Variants in NAPB observed in about 807,000 individuals in gnomAD.
NAPB encodes the protein beta-soluble NSF attachment protein.
A neutral mutation model predicts 44.7 loss-of-function variants in NAPB; 26 were observed. That is an observed-to-expected ratio of 0.58 (90% confidence interval 0.43 to 0.81). NAPB has a LOEUF of 0.81. Among genes scored for constraint, NAPB ranks in the 30% least tolerant of loss-of-function variants. The probability of loss-of-function intolerance (pLI) is 0.00; values close to 1 mark genes in which losing one functional copy is unlikely to be tolerated. For missense variants in NAPB, 315 were observed against 356.4 expected (o/e 0.88, Z 0.94); for synonymous variants, 120 against 116.8 (o/e 1.03, Z -0.18).
chr20:23,406,206 T>A (rs1985244422), intron 1 of NAPB, among the ~76,000 whole-genome samples: 1 of 152,158 alleles, frequency 6.6e-6, no homozygotes, highest in African/African-American at 2.4e-5. Flanking sequence ...ACATTTCTGT[T>A]CTTATACATT....
chr20:23,418,568 AACAGT>A (rs754220941), intron 1 of NAPB, among the ~76,000 whole-genome samples: 3 of 152,226 alleles, frequency 2.0e-5, no homozygotes, highest in Non-Finnish European at 2.9e-5. Context: ...TACTGGAAAT[AACAGT>A]CTTCAAAGTA....
At chr20:23,409,766 A>T (rs549735458) in intron 1 of NAPB, among the ~76,000 whole-genome samples, 9 of 152,352 alleles carry the variant, frequency 5.9e-5, no homozygotes, top group Non-Finnish European at 1.3e-4. Context: ...AACCACCCAT[A>T]ATCCGTGCCT....
In NAPB at chr20:23,379,486, C is replaced by G; in HGVS notation, c.745G>C (p.Glu249Gln). The G allele has an allele frequency of 6.2e-7, 1 of 1,607,564 alleles. No homozygotes were observed. The highest frequency in any genetic ancestry group is 8.5e-7 in the Non-Finnish European group (1 of 1,177,960). ...RECKLLKKLL[E>Q]AHEEQNSEAY... ...TCACTGTTCTGTTCTTCATGAGCTTCTAGGAGTTTCTGGTAGCATAAAAAT... is the reference window on the plus strand; with the variant it reads ...TCACTGTTCTGTTCTTCATGAGCTTGTAGGAGTTTCTGGTAGCATAAAAAT... Residue 249 changes from glutamate to glutamine, a missense_variant, in exon 10 of 11, where the codon GAA becomes CAA. Physicochemically the swap from Glu to Gln is conservative, Grantham distance 29. Coordinates refer to ENST00000377026, the MANE Select transcript of NAPB (RefSeq NM_022080.3).
intron 2 of NAPB, among the ~76,000 whole-genome samples, chr20:23,399,918 C>T (rs1404120534): frequency 6.6e-6 from 1 of 152,228 alleles, no homozygotes; most frequent in Non-Finnish European, 1.5e-5. Context: ...TAGATCATAT[C>T]TGTGGTTTGG....
intron 7 of NAPB, among the ~76,000 whole-genome samples, chr20:23,384,636 AAAG>A (rs1161169848): frequency 6.6e-6 from 1 of 152,154 alleles, no homozygotes; most frequent in South Asian, 2.1e-4. Flanking sequence ...AAAAAGAAAG[AAAG>A]AAAAAAAAGA....
rs767876460 is a variant in NAPB at position 23,395,123 on chromosome 20, CA to C, written c.342+15del. ...AGACTCCACCCCACAGCCACTCAAGCAATGCAATGTCTTACCATGTCTGTGT... is the reference window on the plus strand; with the variant it reads ...AGACTCCACCCCACAGCCACTCAAGCATGCAATGTCTTACCATGTCTGTGT... On this transcript the variant is annotated intron_variant, in intron 4 of 10. Coordinates refer to ENST00000377026, the MANE Select transcript of NAPB (RefSeq NM_022080.3). 2.0e-5 allele frequency: 32 copies of C among 1,614,030 alleles called. No homozygotes were observed. In the South Asian group the frequency reaches 3.5e-4, roughly 18 times the overall value.
chr20:23,421,300 C>A lies in NAPB; in HGVS notation c.98+5G>T. On this transcript the variant is annotated splice_donor_5th_base_variant and intron_variant, in intron 1 of 10. Coordinates refer to ENST00000377026, the MANE Select transcript of NAPB (RefSeq NM_022080.3). The stretch of plus-strand genomic sequence containing the variant: ...CCCCCAGGGCACGCACGGTCTGGCG[C>A]TCACCCAAACAGCCCTCGGAGGAAG... 6.4e-7 allele frequency: 1 copy of A among 1,553,040 alleles called. No individual in the cohort carries two copies. Among genetic ancestry groups the A allele is most frequent in the Non-Finnish European group, 8.7e-7 (1 of 1,147,588 alleles).
At chr20:23,402,129 T>C (rs572598151) in intron 2 of NAPB, among the ~76,000 whole-genome samples, 1 of 152,320 alleles carries the variant, frequency 6.6e-6, no homozygotes, top group Admixed American at 6.5e-5. Context: ...AGAAGAGACC[T>C]TTTAGAATCA....
chr20:23,420,774 G>T (rs1056244884), intron 1 of NAPB, among the ~76,000 whole-genome samples: 9 of 151,640 alleles, frequency 5.9e-5, no homozygotes, highest in Non-Finnish European at 8.8e-5. Context: ...CGAGGGGGGC[G>T]ATCTGGGGTC....
intron 1 of NAPB, among the ~76,000 whole-genome samples, chr20:23,404,486 G>A: frequency 6.6e-6 from 1 of 152,204 alleles, no homozygotes; most frequent in East Asian, 1.9e-4. Flanking sequence ...GCAAGGCTCA[G>A]GTGTGACTCA....
intron 2 of NAPB, among the ~76,000 whole-genome samples, chr20:23,398,966 T>C (rs1216351591): frequency 6.9e-6 from 1 of 144,786 alleles, no homozygotes; most frequent in Admixed American, 7.2e-5. Flanking sequence ...AGTGCTGGGA[T>C]TACAGATGAT....
intron 1 of NAPB, among the ~76,000 whole-genome samples, chr20:23,413,460 C>T (rs973309761): frequency 2.6e-5 from 4 of 151,956 alleles, no homozygotes; most frequent in Non-Finnish European, 4.4e-5. Context: ...AAACACCTCC[C>T]TAGAAAAATG....
intron 1 of NAPB, among the ~76,000 whole-genome samples, chr20:23,403,377 C>T (rs748335107): frequency 1.3e-5 from 2 of 152,098 alleles, no homozygotes; most frequent in East Asian, 1.9e-4. Context: ...CCAAGGCGGG[C>T]GGATCACCTG....
At position 23,421,285 on chromosome 20, in the gene NAPB, A is replaced by G. The variant is rs1382749204; in HGVS notation, c.98+20T>C. On this transcript the variant is annotated intron_variant, in intron 1 of 10. Coordinates refer to ENST00000377026, the MANE Select transcript of NAPB (RefSeq NM_022080.3). ...TACGGAGACCCCCCCCCCCCAGGGC[A>G]CGCACGGTCTGGCGCTCACCCAAAC... 6.8e-7 allele frequency: 1 copy of G among 1,480,460 alleles called. No individual in the cohort carries two copies. The highest frequency in any genetic ancestry group is 9.2e-7 in the Non-Finnish European group (1 of 1,085,956). The allele number at this position is 1,480,460 out of a possible 1,614,324, so 91.7% of individuals were successfully genotyped here.
At chr20:23,398,903 A>G (rs1984607146) in intron 2 of NAPB, among the ~76,000 whole-genome samples, 1 of 107,580 alleles carries the variant, frequency 9.3e-6, no homozygotes, top group African/African-American at 3.9e-5. Flanking sequence ...TATGTTGCCC[A>G]GGCTGGTTTT....
chr20:23,398,698 G>T (rs1258423428), intron 2 of NAPB, among the ~76,000 whole-genome samples: 1 of 151,862 alleles, frequency 6.6e-6, no homozygotes, highest in Non-Finnish European at 1.5e-5. Context: ...CAAAAAATTA[G>T]CTGGGCATTG....
intron 1 of NAPB, among the ~76,000 whole-genome samples, chr20:23,413,655 A>G (rs1353673009): frequency 6.6e-6 from 1 of 152,178 alleles, no homozygotes; most frequent in East Asian, 1.9e-4. Context: ...AAAATTACTA[A>G]AACAGAACAT....
chr20:23,379,611 C>T, intron 9 of NAPB, 116 bp from the exon 10 acceptor site: 1 of 813,092 alleles, frequency 1.2e-6, no homozygotes, highest in Non-Finnish European at 1.9e-6. Flanking sequence ...TGAGGAAATA[C>T]TCATATACAA....
rs192058621 is a variant in NAPB at position 23,389,560 on chromosome 20, T to C, written c.561+386A>G. Among the ~76,000 whole-genome samples, 852 of 152,202 alleles carry C rather than the reference T, an allele frequency of 5.6e-3. 11 individuals carry two copies. Among genetic ancestry groups the C allele is most frequent in the Non-Finnish European group, 7.0e-3 (474 of 68,012 alleles). On this transcript the variant is annotated intron_variant, in intron 7 of 10. Transcript: ENST00000377026. The stretch of plus-strand genomic sequence containing the variant: ...ATGAGGTATTAGCCACGAAAAACAA[T>C]GACATACTGACATTTGCTATGACAT...
Sources: allele counts gnomAD v4.1 joint callset (sites outside exome capture counted in the v4.1 genomes callset), GRCh38; gene constraint gnomAD v4.1.1; transcripts MANE v1.5; gene names NCBI Gene and HGNC (gene_info 2026-07-23, HGNC 2026-07-21).